Variants in TPM3 observed in about 807,000 individuals in gnomAD.
TPM3 encodes tropomyosin alpha-3 chain.
TPM3 carries 16 observed loss-of-function variants against 43.1 expected under a neutral mutation model. The ratio of observed to expected loss-of-function variants is 0.37; its 90% confidence interval spans 0.25 to 0.56. The LOEUF is 0.56. Ranked by LOEUF, TPM3 falls within the 20% of genes least tolerant of loss-of-function variation. The pLI is 0.77. For missense variants in TPM3, 176 were observed against 337.2 expected, an observed-to-expected ratio of 0.52 and a Z score of 3.74; for synonymous variants, 101 against 116.9, an observed-to-expected ratio of 0.86 and a Z score of 0.88.
At position 154,161,967 on chromosome 1, in the gene TPM3, T is replaced by TAG. The variant is rs1365674883; in HGVS notation, c.*5968_*5969dup. ...AGTTATTAAAAATTAAGACCAGTAC[T>TAG]AGCTCCTTAAAGTTTTTGGTTCCCT... is the stretch of plus-strand genomic sequence containing the variant. On this transcript the variant is annotated 3_prime_UTR_variant, in exon 10 of 10. Coordinates refer to ENST00000651641, the MANE Select transcript of TPM3 (RefSeq NM_152263.4). Among the ~76,000 whole-genome samples the TAG allele has an allele frequency of 2.0e-5, 3 of 152,140 alleles. No homozygotes were observed. Among genetic ancestry groups the TAG allele is most frequent in the Non-Finnish European group, 2.9e-5 (2 of 68,024 alleles).
chr1:154,178,833 G>A (rs910065510), intron 2 of TPM3, among the ~76,000 whole-genome samples: 1 of 152,182 alleles, frequency 6.6e-6, no homozygotes, highest in East Asian at 1.9e-4. Flanking sequence ...GTAATAATAG[G>A]ATTCTCCACT....
In TPM3 at chr1:154,167,821, C is replaced by T; in HGVS notation, c.*116G>A. 1 of 1,607,344 alleles carries T rather than the reference C, an allele frequency of 6.2e-7. No homozygotes were observed. On this transcript the variant is annotated 3_prime_UTR_variant, in exon 10 of 10. Transcript: ENST00000651641. The stretch of plus-strand genomic sequence containing the variant: ...ATAAGTTGCTTTTTGCTCCCCCATC[C>T]TAATGCCTTGGGGACCAGCCAGGCT...
Position 154,171,472 on chromosome 1 carries a change from C to G in TPM3, c.583G>C (p.Glu195Gln). The G allele has an allele frequency of 1.2e-6, 2 of 1,614,156 alleles. No individual in the cohort carries two copies. Among genetic ancestry groups the G allele is most frequent in the Non-Finnish European group, 1.7e-6 (2 of 1,180,032 alleles). Residue 195 changes from glutamate (E) to glutamine (Q), a missense_variant, in exon 6 of 10, where the codon GAG becomes CAG. Around this residue, in one of 4 missense-constraint regions of TPM3, gnomAD observed 53 missense variants for 98.3 expected, o/e 0.54. Transcript: ENST00000651641. ...TTGGTGACATTCTTCAGCTCCTCCT[C>G]CAGCTCAGAACACTTACTGTGAATA... ...ELAESKCSEL[E>Q]EELKNVTNNL... is the part of the protein sequence containing the mutation.
rs1660827267 is a variant in TPM3 at position 154,165,376 on chromosome 1, A to T, written c.*2561T>A. Among the ~76,000 whole-genome samples the T allele has an allele frequency of 6.6e-6, 1 of 151,912 alleles. No individual in the cohort carries two copies. The highest frequency in any genetic ancestry group is 1.5e-5 in the Non-Finnish European group (1 of 67,996). On this transcript the variant is annotated 3_prime_UTR_variant, in exon 10 of 10. Coordinates refer to ENST00000651641, the MANE Select transcript of TPM3 (RefSeq NM_152263.4). ...CATCCAGCCTGGGTGACAGAGCGAG[A>T]CTCCATCTCAAAAAGAGAAAAATAA...
chr1:154,188,404 G>A lies in TPM3; in HGVS notation c.243+2782C>T, dbSNP rs898551625. On this transcript the variant is annotated intron_variant, in intron 2 of 9. Coordinates refer to ENST00000651641, the MANE Select transcript of TPM3 (RefSeq NM_152263.4). ...AGTTTGTGGCGGCCTGGCCGGGCGC[G>A]GTGGCTCACACCTGTAATCCCAGCA... 9.2e-5 allele frequency among the ~76,000 whole-genome samples: 14 copies of A among 151,704 alleles called. No individual in the cohort carries two copies. In the South Asian group the frequency reaches 2.3e-3, roughly 25 times the overall value.
chr1:154,174,194 G>A (rs1450745877), intron 3 of TPM3, among the ~76,000 whole-genome samples: 4 of 150,238 alleles, frequency 2.7e-5, no homozygotes, highest in South Asian at 4.2e-4. Context: ...TTAGTCAGGC[G>A]TGGTGGCAGG....
chr1:154,172,851 A>G lies in TPM3; in HGVS notation c.566+57T>C. 1.9e-6 allele frequency: 3 copies of G among 1,602,014 alleles called. No individual in the cohort carries two copies. The South Asian group carries it at 3.3e-5, about 18-fold the overall frequency. ...GCTAATTTATTCATATTAGTGCCCA[A>G]GCCAAAGGGGAAGGGATAAATTGGT... On this transcript the variant is annotated intron_variant, in intron 5 of 9. Transcript: ENST00000651641.
downstream of TPM3, chr1:154,158,992 T>G: frequency 1.3e-6 from 1 of 780,732 alleles, no homozygotes; most frequent in Non-Finnish European, 2.4e-6. Context: ...TCATGCAGCG[T>G]TAGCTTCAGC....
At chr1:154,180,923 TA>T (rs1351615918) in intron 2 of TPM3, among the ~76,000 whole-genome samples, 120 of 141,370 alleles carry the variant, frequency 8.5e-4, no homozygotes, top group Admixed American at 1.1e-3. Context: ...AGTCTCCATC[TA>T]AAAAAAAAAA....
intron 1 of TPM3, 114 bp downstream of exon 1, chr1:154,191,787 AT>A: frequency 6.3e-7 from 1 of 1,580,562 alleles, no homozygotes; most frequent in Non-Finnish European, 8.6e-7. Context: ...TGGGGAGTCC[AT>A]CCCACCCCCA....
At chr1:154,191,391 G>A in intron 1 of TPM3, 80 bp from the exon 2 acceptor site, 2 of 1,602,502 alleles carry the variant, frequency 1.2e-6, no homozygotes, top group Admixed American at 1.7e-5. Flanking sequence ...TTGGAGCCCT[G>A]AGTGTAACCT....
At chr1:154,186,287 C>G (rs1281452735) in intron 2 of TPM3, among the ~76,000 whole-genome samples, 1 of 151,426 alleles carries the variant, frequency 6.6e-6, no homozygotes, top group Admixed American at 6.6e-5. Context: ...TATTGTACCT[C>G]CCTGTGCCCT....
intron 2 of TPM3, chr1:154,182,885 G>C (rs1663119928): frequency 6.4e-7 from 1 of 1,567,014 alleles, no homozygotes; most frequent in Non-Finnish European, 8.7e-7. Context: ...CTCCGAGCCC[G>C]CCGGCCTTCA....
chr1:154,166,629 A>C lies in TPM3; in HGVS notation c.*1308T>G, dbSNP rs1661002509. The C allele has an allele frequency of 6.7e-6, 7 of 1,039,192 alleles. No homozygotes were observed. Among genetic ancestry groups the C allele is most frequent in the Non-Finnish European group, 8.1e-6 (7 of 862,934 alleles). The allele number at this position is 1,039,192 out of a possible 1,614,324, so 64.4% of individuals were successfully genotyped here. On this transcript the variant is annotated 3_prime_UTR_variant, in exon 10 of 10. Coordinates refer to ENST00000651641, the MANE Select transcript of TPM3 (RefSeq NM_152263.4). ...TGAACAACACTTACGTGCTTGGATT[A>C]GTATAATTCACAGCTATACTATTAA... is the stretch of plus-strand genomic sequence containing the variant.
intron 8 of TPM3, 125 bp from the exon 9 acceptor site, chr1:154,169,508 G>T: frequency 1.1e-6 from 1 of 911,140 alleles, no homozygotes; most frequent in Non-Finnish European, 1.8e-6. Context: ...CCACAGTTAG[G>T]AAAATATCTA....
At chr1:154,180,175 T>C (rs1169952695) in intron 2 of TPM3, among the ~76,000 whole-genome samples, 1 of 152,214 alleles carries the variant, frequency 6.6e-6, no homozygotes, top group Non-Finnish European at 1.5e-5. Flanking sequence ...AAAAGAAAGA[T>C]GGATCCTAGA....
At chr1:154,178,136 C>T in intron 2 of TPM3, 1 of 985,428 alleles carries the variant, frequency 1.0e-6, no homozygotes, top group Non-Finnish European at 1.2e-6. Flanking sequence ...AAAAATACAA[C>T]TAGATTTAGA....
chr1:154,185,055 C>G (rs1663345106), intron 2 of TPM3, among the ~76,000 whole-genome samples: 1 of 152,062 alleles, frequency 6.6e-6, no homozygotes, highest in African/African-American at 2.4e-5. Flanking sequence ...CCAAGTACCC[C>G]CAAGGAACTG....
In TPM3 at chr1:154,167,258, T is replaced by C. The variant is rs1661083777; in HGVS notation, c.*679A>G. 2 of 958,888 alleles carry C rather than the reference T, an allele frequency of 2.1e-6. No individual in the cohort carries two copies. Among genetic ancestry groups the C allele is most frequent in the East Asian group, 1.2e-4 (1 of 8,684 alleles). 59.4% of individuals were successfully genotyped at this position (958,888 alleles called of 1,614,324 possible). On this transcript the variant is annotated 3_prime_UTR_variant, in exon 10 of 10. Coordinates refer to ENST00000651641, the MANE Select transcript of TPM3 (RefSeq NM_152263.4). Reference sequence around the variant, plus strand: ...AAAAAACCGTCCAGAATTCTATCCATTGTGTATTTTTCTGTGACTGGAGTT... The same window carrying C: ...AAAAAACCGTCCAGAATTCTATCCACTGTGTATTTTTCTGTGACTGGAGTT...
Sources: gnomAD v4.1 joint callset for allele counts (sites outside exome capture counted in the v4.1 genomes callset) on GRCh38, gnomAD v4.1.1 for gene constraint, gnomAD v4.1.1 regional missense constraint, MANE v1.5 for transcripts, NCBI Gene and HGNC (gene_info 2026-07-23, HGNC 2026-07-21) for gene names.